TMEM178B: variants seen among roughly 807,000 people sequenced by gnomAD.
TMEM178B encodes the protein transmembrane protein 178B.
A neutral mutation model predicts 31.0 loss-of-function variants in TMEM178B; 5 were observed. The observed-to-expected ratio is 0.16, with a 90% confidence interval of 0.08 to 0.34. The LOEUF (loss-of-function observed/expected upper bound fraction) is 0.34. TMEM178B is among the 10% of genes least tolerant of loss of function. TMEM178B has a pLI of 1.00. For missense variants in TMEM178B, 275 were observed against 400.3 expected (o/e 0.69, Z 2.67); for synonymous variants, 164 against 164.0 (o/e 1.00, Z 0.00).
Position 141,343,839 on chromosome 7 carries a change from G to A in TMEM178B, c.497-93769G>A, listed in dbSNP as rs190948203. 5.2e-3 allele frequency among the ~76,000 whole-genome samples: 798 copies of A among 152,142 alleles called. 11 individuals carry two copies. The highest frequency in any genetic ancestry group is 0.018 in the African/African-American group (751 of 41,482). On this transcript the variant is annotated intron_variant, in intron 2 of 3. Transcript: ENST00000565468. ...GCTGGGATTACAGGCGTGAGCCACC[G>A]CGCCCAGCCGGGAACTCTTTTTAAG...
chr7:141,104,226 G>A (rs1250811095), intron 1 of TMEM178B, among the ~76,000 whole-genome samples: 1 of 152,126 alleles, frequency 6.6e-6, no homozygotes, highest in Non-Finnish European at 1.5e-5. Context: ...GAGACTGACG[G>A]CATGTGGGCT....
chr7:141,377,988 C>G (rs1439734170), intron 2 of TMEM178B, among the ~76,000 whole-genome samples: 2 of 152,152 alleles, frequency 1.3e-5, no homozygotes, highest in African/African-American at 4.8e-5. Flanking sequence ...GATTTCATCC[C>G]TTTTCCCACT....
At chr7:141,497,124 G>A in the TMEM178B span, among the ~76,000 whole-genome samples, 1 of 152,128 alleles carries the variant, frequency 6.6e-6, no homozygotes, top group Non-Finnish European at 1.5e-5. Flanking sequence ...TAGACAGTAA[G>A]AGCCCTGCAC....
chr7:141,413,123 T>C (rs1478055863), intron 2 of TMEM178B, among the ~76,000 whole-genome samples: 1 of 152,232 alleles, frequency 6.6e-6, no homozygotes, highest in African/African-American at 2.4e-5. Context: ...AGCCCTTCTA[T>C]GCGCCACTCA....
intron 2 of TMEM178B, among the ~76,000 whole-genome samples, chr7:141,287,970 T>C (rs1798474340): frequency 6.6e-6 from 1 of 152,230 alleles, no homozygotes; most frequent in Non-Finnish European, 1.5e-5. Context: ...TCATCATTTC[T>C]TGCTTGTTTT....
intron 2 of TMEM178B, among the ~76,000 whole-genome samples, chr7:141,267,415 G>C (rs955786236): frequency 1.3e-5 from 2 of 152,222 alleles, no homozygotes; most frequent in Non-Finnish European, 2.9e-5. Flanking sequence ...GCCAGTAGTG[G>C]GTTTGGAGGC....
At chr7:141,138,063 A>ATTTTT (rs202146160) in intron 1 of TMEM178B, among the ~76,000 whole-genome samples, 1 of 141,372 alleles carries the variant, frequency 7.1e-6, no homozygotes, top group African/African-American at 2.6e-5. Context: ...TTAAAATTCA[A>ATTTTT]TTTTTTTTTT....
intron 2 of TMEM178B, among the ~76,000 whole-genome samples, chr7:141,362,980 A>G (rs1009127367): frequency 2.0e-5 from 3 of 152,230 alleles, no homozygotes; most frequent in Admixed American, 6.5e-5. Context: ...TTGAGCAGGT[A>G]TAGCAAAGGC....
intron 2 of TMEM178B, among the ~76,000 whole-genome samples, chr7:141,399,266 T>C (rs1800711253): frequency 6.6e-6 from 1 of 152,232 alleles, no homozygotes; most frequent in African/African-American, 2.4e-5. Context: ...ACCTGGACTT[T>C]GGCTGCAGCT....
chr7:141,217,208 C>T (rs1293389819), intron 2 of TMEM178B, among the ~76,000 whole-genome samples: 3 of 152,150 alleles, frequency 2.0e-5, no homozygotes, highest in African/African-American at 7.2e-5. Context: ...TGCATGACCC[C>T]CAGGAGCTCC....
At chr7:141,306,150 A>G (rs1798812272) in intron 2 of TMEM178B, among the ~76,000 whole-genome samples, 1 of 152,228 alleles carries the variant, frequency 6.6e-6, no homozygotes, top group South Asian at 2.1e-4. Context: ...GCTGCCGTTA[A>G]TGTCATTCAT....
chr7:141,443,498 A>G (rs969247615), intron 3 of TMEM178B, among the ~76,000 whole-genome samples: 36 of 152,160 alleles, frequency 2.4e-4, no homozygotes, highest in African/African-American at 8.2e-4. Context: ...ATGCTCTTCT[A>G]TTGAAACTTG....
chr7:141,201,153 C>T (rs115585433), intron 1 of TMEM178B, among the ~76,000 whole-genome samples: 4,424 of 152,274 alleles, frequency 0.029, 179 homozygotes, highest in African/African-American at 0.09. Flanking sequence ...GAGGAAACCA[C>T]GTCGGCGCCA....
chr7:141,231,722 TC>T (rs1797450075), intron 2 of TMEM178B, among the ~76,000 whole-genome samples: 1 of 152,230 alleles, frequency 6.6e-6, no homozygotes, highest in African/African-American at 2.4e-5. Context: ...TCTCCCACGG[TC>T]AACTAGCTGG....
chr7:141,444,886 T>A (rs1801724858), intron 3 of TMEM178B, among the ~76,000 whole-genome samples: 1 of 151,748 alleles, frequency 6.6e-6, no homozygotes, highest in South Asian at 2.1e-4. Context: ...AGCACAACTC[T>A]GGTTCTGGGC....
intron 2 of TMEM178B, among the ~76,000 whole-genome samples, chr7:141,302,410 T>G (rs2116443481): frequency 6.6e-6 from 1 of 152,300 alleles, no homozygotes; most frequent in African/African-American, 2.4e-5. Flanking sequence ...ATATGAGTAG[T>G]CAAATTGACT....
At chr7:141,207,099 A>C (rs1361317796) in intron 1 of TMEM178B, among the ~76,000 whole-genome samples, 1 of 152,234 alleles carries the variant, frequency 6.6e-6, no homozygotes, top group Non-Finnish European at 1.5e-5. Flanking sequence ...TGGTTGTTGC[A>C]TGCAGCAAGC....
chr7:141,137,278 A>T (rs1487057005), intron 1 of TMEM178B, among the ~76,000 whole-genome samples: 2 of 152,242 alleles, frequency 1.3e-5, no homozygotes, highest in Non-Finnish European at 2.9e-5. Context: ...GTATTGCAGC[A>T]CTATTCACAA....
At chr7:141,370,813 T>C (rs562678917) in intron 2 of TMEM178B, among the ~76,000 whole-genome samples, 2 of 152,372 alleles carry the variant, frequency 1.3e-5, no homozygotes, top group East Asian at 3.9e-4. Flanking sequence ...GATATGCACA[T>C]TGGTCTCCAC....
Sources: gnomAD v4.1 joint callset for allele counts (sites outside exome capture counted in the v4.1 genomes callset) on GRCh38, gnomAD v4.1.1 for gene constraint, MANE v1.5 for transcripts, NCBI Gene and HGNC (gene_info 2026-07-23, HGNC 2026-07-21) for gene names.